The following TXNRD1 variants were observed in gnomAD, a reference collection of about 807,000 sequenced individuals.
The protein encoded by TXNRD1 is thioredoxin reductase 1, also known as thioredoxin reductase 1, cytoplasmic.
TXNRD1 carries 57 observed loss-of-function variants against 80.3 expected under a neutral mutation model. The ratio of observed to expected loss-of-function variants is 0.71; its 90% CI spans 0.57 to 0.89. The LOEUF is 0.89. Ranked by LOEUF, TXNRD1 falls within the 40% of genes least tolerant of loss-of-function variation. TXNRD1 has a pLI of 0.00. For synonymous variants in TXNRD1, 291 were observed against 285.2 expected (o/e 1.02, Z -0.20); for missense variants, 730 against 803.0 (o/e 0.91, Z 1.10).
chr12:104,311,661 T>G (rs551224224), intron 5 of TXNRD1, among the ~76,000 whole-genome samples: 1 of 152,122 alleles, frequency 6.6e-6, no homozygotes, highest in South Asian at 2.1e-4. Context: ...CCGTTCACTT[T>G]AAGTTTAATT....
rs1327543231 is a variant in TXNRD1 at position 104,326,504 on chromosome 12, C to G, written c.1385+81C>G. 6 of 787,754 alleles carry G rather than the reference C, an allele frequency of 7.6e-6. No individual in the cohort carries two copies. The Admixed American group carries it at 2.6e-4, about 34-fold the overall frequency. The allele number at this position is 787,754 out of a possible 1,614,324, so 48.8% of individuals were successfully genotyped here. On this transcript the variant is annotated intron_variant, in intron 12 of 16. Transcript: ENST00000525566. ...TTTTGAGATGGAGTTTCTCTCTTGT[C>G]TCCCAGGCTGGAGTACAATGGCACG...
chr12:104,319,152 AG>A (rs2035439045), intron 8 of TXNRD1, 97 bp downstream of exon 8: 2 of 1,371,876 alleles, frequency 1.5e-6, no homozygotes, highest in African/African-American at 2.9e-5. Flanking sequence ...TAAAAGTAAT[AG>A]CCACTGTGAC....
At chr12:104,338,919 T>C (rs1306828236) in intron 15 of TXNRD1, among the ~76,000 whole-genome samples, 1 of 151,964 alleles carries the variant, frequency 6.6e-6, no homozygotes, top group African/African-American at 2.4e-5. Context: ...GGTTTCACCG[T>C]GTTAACCAGG....
intron 4 of TXNRD1, among the ~76,000 whole-genome samples, chr12:104,299,065 G>A (rs751999102): frequency 2.4e-4 from 36 of 152,110 alleles, no homozygotes; most frequent in Non-Finnish European, 4.3e-4. Context: ...TGTATTCACC[G>A]GATGTGAAAC....
At chr12:104,292,490 G>A (rs1007833457) in intron 4 of TXNRD1, among the ~76,000 whole-genome samples, 1 of 151,036 alleles carries the variant, frequency 6.6e-6, no homozygotes, top group Non-Finnish European at 1.5e-5. Context: ...CTGGGTTCAA[G>A]TGGTGTGGTT....
intron 4 of TXNRD1, among the ~76,000 whole-genome samples, chr12:104,306,104 A>G (rs935457091): frequency 3.9e-5 from 6 of 152,122 alleles, no homozygotes; most frequent in African/African-American, 1.4e-4. Context: ...GAGTTTCGCC[A>G]TGGTAGCCAG....
In TXNRD1 at chr12:104,220,113, G is replaced by A. The variant is rs544412017; in HGVS notation, c.91+4220G>A. Among the ~76,000 whole-genome samples the A allele has an allele frequency of 7.9e-5, 12 of 152,282 alleles. No homozygotes were observed. The South Asian group carries it at 2.5e-3, about 32-fold the overall frequency. The stretch of plus-strand genomic sequence containing the variant: ...TTCTGGGCAGAGGTGCCTATCCTTA[G>A]CAATGGGGCTGAGGCTGGGGTGGAG... On this transcript the variant is annotated intron_variant, in intron 1 of 16. Transcript: ENST00000525566.
At chr12:104,288,869 T>G in intron 3 of TXNRD1, 62 bp from the exon 4 acceptor site, 1 of 1,613,048 alleles carries the variant, frequency 6.2e-7, no homozygotes, top group Non-Finnish European at 8.5e-7. Flanking sequence ...CCCGGCGCAG[T>G]TCCCGCCTGT....
chr12:104,228,308 A>C (rs2032524270), intron 1 of TXNRD1, among the ~76,000 whole-genome samples: 1 of 151,744 alleles, frequency 6.6e-6, no homozygotes, highest in Non-Finnish European at 1.5e-5. Context: ...TCTCAAAAAA[A>C]AAAAAAAAAA....
At chr12:104,266,483 G>A (rs181508807) in intron 3 of TXNRD1, among the ~76,000 whole-genome samples, 77 of 136,360 alleles carry the variant, frequency 5.6e-4, no homozygotes, top group African/African-American at 1.9e-3. Flanking sequence ...TTGAGATCAC[G>A]CCACTGCACT....
intron 2 of TXNRD1, among the ~76,000 whole-genome samples, chr12:104,254,026 G>C (rs751336808): frequency 9.9e-5 from 15 of 152,226 alleles, no homozygotes; most frequent in Admixed American, 2.6e-4. Flanking sequence ...TTACGTGCTT[G>C]TCTAGTCTTT....
chr12:104,222,931 A>G (rs568317897), intron 1 of TXNRD1, among the ~76,000 whole-genome samples: 1 of 152,362 alleles, frequency 6.6e-6, no homozygotes, highest in East Asian at 1.9e-4. Flanking sequence ...TTCAGTGTCT[A>G]GGCTGTAATA....
chr12:104,349,882 C>T lies in TXNRD1; in HGVS notation c.*1461C>T, dbSNP rs1029506775. 2.6e-5 allele frequency: 4 copies of T among 152,620 alleles called. No individual in the cohort carries two copies. Among genetic ancestry groups the T allele is most frequent in the African/African-American group, 9.6e-5 (4 of 41,458 alleles). The allele number at this position is 152,620 out of a possible 1,614,324, so 9.5% of individuals were successfully genotyped here. On this transcript the variant is annotated 3_prime_UTR_variant, in exon 17 of 17. Transcript: ENST00000525566. ...TGCCTGGCATTTAGGCAGCAGAGCC[C>T]CTGACCGTCCCCCACAGGGCTCTGC...
chr12:104,322,580 A>G (rs1288452986), intron 10 of TXNRD1, among the ~76,000 whole-genome samples: 1 of 151,714 alleles, frequency 6.6e-6, no homozygotes, highest in African/African-American at 2.4e-5. Context: ...GGCTTTCACC[A>G]TGTTGGCCAG....
chr12:104,251,431 T>C, intron 1 of TXNRD1, 96 bp from the exon 2 acceptor site: 1 of 1,342,664 alleles, frequency 7.4e-7, no homozygotes, highest in African/African-American at 1.5e-5. Flanking sequence ...CTGTGGGACT[T>C]AAATGGTAAT....
intron 4 of TXNRD1, chr12:104,304,165 T>C: frequency 6.2e-7 from 1 of 1,614,066 alleles, no homozygotes; most frequent in African/African-American, 1.3e-5. Context: ...ACGTCCTCTT[T>C]GATGGCGTGA....
At chr12:104,295,702 A>C (rs1308230812) in intron 4 of TXNRD1, among the ~76,000 whole-genome samples, 3 of 152,178 alleles carry the variant, frequency 2.0e-5, no homozygotes, top group African/African-American at 7.2e-5. Flanking sequence ...ACCCGTTCAG[A>C]ATACAAGACC....
intron 16 of TXNRD1, among the ~76,000 whole-genome samples, chr12:104,346,478 T>C (rs1296615671): frequency 1.3e-5 from 2 of 152,202 alleles, no homozygotes; most frequent in African/African-American, 2.4e-5. Flanking sequence ...TTCTGAGAAA[T>C]AGAACCCAGG....
intron 5 of TXNRD1, 50 bp from the exon 6 acceptor site, chr12:104,313,195 A>C: frequency 6.9e-7 from 1 of 1,451,304 alleles, no homozygotes; most frequent in Non-Finnish European, 9.4e-7. Context: ...GCCCATTTCC[A>C]ATCTGTCATG....
Sources: gnomAD v4.1 joint callset for allele counts (sites outside exome capture counted in the v4.1 genomes callset) on GRCh38, gnomAD v4.1.1 for gene constraint, MANE v1.5 for transcripts, NCBI Gene and HGNC (gene_info 2026-07-23, HGNC 2026-07-21) for gene names.